Variants in FN3K observed in about 807,000 individuals in gnomAD.
FN3K encodes the protein fructosamine-3-kinase.
FN3K carries 24 observed loss-of-function variants against 24.8 expected under a neutral mutation model. The observed-to-expected ratio is 0.97, with a 90% confidence interval of 0.70 to 1.36. FN3K has a LOEUF of 1.36. Ranked by LOEUF, FN3K falls within the 40% of genes most tolerant of loss-of-function variation. The pLI is 0.00. For missense variants in FN3K, 449 were observed against 416.7 expected (o/e 1.08, Z -0.67); for synonymous variants, 192 against 175.2 (o/e 1.10, Z -0.76).
chr17:82,744,093 C>T (rs2046955456), intron 4 of FN3K, among the ~76,000 whole-genome samples: 1 of 152,186 alleles, frequency 6.6e-6, no homozygotes, highest in Non-Finnish European at 1.5e-5. Context: ...GATCTGACAG[C>T]CAGGCTATGG....
intron 5 of FN3K, chr17:82,749,417 C>T: frequency 3.2e-6 from 1 of 312,134 alleles, no homozygotes; most frequent in Non-Finnish European, 6.3e-6. Context: ...GTAATCGCAG[C>T]ATTTGGGAGG....
intron 4 of FN3K, chr17:82,742,680 A>G (rs1568069001): frequency 4.4e-6 from 2 of 456,104 alleles, no homozygotes; most frequent in Non-Finnish European, 8.8e-6. Context: ...TGAAGTTCCA[A>G]AGAAGACTTT....
Position 82,748,992 on chromosome 17 carries a change from G to C in FN3K, c.591+15G>C. 2 of 1,614,098 alleles carry C rather than the reference G, an allele frequency of 1.2e-6. No individual in the cohort carries two copies. Among genetic ancestry groups the C allele is most frequent in the Non-Finnish European group, 1.7e-6 (2 of 1,179,988 alleles). ...CCCGGCTACAGGTGGGCACGGCAGT[G>C]ACTTCTCTGGGAAAGAGCTGGTCCT... On this transcript the variant is annotated intron_variant, in intron 5 of 5. Transcript: ENST00000300784.
chr17:82,748,829 G>A (rs749421677), intron 4 of FN3K, 26 bp from the exon 5 acceptor site: 1 of 1,608,206 alleles, frequency 6.2e-7, no homozygotes, highest in South Asian at 1.1e-5. Flanking sequence ...AATTGCAACA[G>A]TGGCCTCTTT....
In FN3K at chr17:82,735,765, C is replaced by G. The variant is rs1394412875; in HGVS notation, c.129C>G (p.Asn43Lys). Residue 43 changes from asparagine (N) to lysine (K), a missense_variant, in exon 1 of 6, where the codon AAC becomes AAG. Asn to Lys is a moderately conservative substitution (Grantham distance 94). Transcript: ENST00000300784. ...TDAGPVFVKV[N>K]RRTQARQMFE... ...CAGGCCCAGTGTTCGTCAAAGTCAACCGCAGGACGCAGGTGCTGGCCCGTG... is the reference window on the plus strand; with the variant it reads ...CAGGCCCAGTGTTCGTCAAAGTCAAGCGCAGGACGCAGGTGCTGGCCCGTG... The G allele has an allele frequency of 4.5e-6, 7 of 1,563,592 alleles. No individual in the cohort carries two copies. The highest frequency in any genetic ancestry group is 6.1e-6 in the Non-Finnish European group (7 of 1,156,022).
Position 82,748,985 on chromosome 17 carries a change from C to G in FN3K, c.591+8C>G, listed in dbSNP as rs751833198. ...CTCTGGTCCCGGCTACAGGTGGGCA[C>G]GGCAGTGACTTCTCTGGGAAAGAGC... On this transcript the variant is annotated splice_region_variant and intron_variant, in intron 5 of 5. Coordinates refer to ENST00000300784, the MANE Select transcript of FN3K (RefSeq NM_022158.4). 1 of 1,613,996 alleles carries G rather than the reference C, an allele frequency of 6.2e-7. No individual in the cohort carries two copies. Among genetic ancestry groups the G allele is most frequent in the African/African-American group, 1.3e-5 (1 of 74,924 alleles).
chr17:82,747,136 A>C (rs2046973116), intron 4 of FN3K, among the ~76,000 whole-genome samples: 1 of 151,562 alleles, frequency 6.6e-6, no homozygotes, highest in Admixed American at 6.6e-5. Context: ...TGCTTACTTT[A>C]GGTTTAATGT....
intron 4 of FN3K, among the ~76,000 whole-genome samples, chr17:82,743,008 G>T: frequency 6.6e-6 from 1 of 152,116 alleles, no homozygotes; most frequent in East Asian, 1.9e-4. Flanking sequence ...GGGCTCGCTA[G>T]AACTGCACAT....
In FN3K at chr17:82,738,315, A is replaced by G; in HGVS notation, c.142-174A>G. The G allele has an allele frequency of 4.4e-6, 3 of 682,044 alleles. No homozygotes were observed. In the Admixed American group the frequency reaches 9.6e-5, roughly 22 times the overall value. 42.2% of individuals were successfully genotyped at this position (682,044 alleles called of 1,614,324 possible). ...TCAGCCTTGCAGCCTCTCGTCTCCG[A>G]CGGGGGGCCCCTCTGCACCCTGCCC... is the stretch of plus-strand genomic sequence containing the variant. On this transcript the variant is annotated intron_variant, in intron 1 of 5. Transcript: ENST00000300784.
chr17:82,747,041 T>G (rs974745163), intron 4 of FN3K, among the ~76,000 whole-genome samples: 13 of 151,890 alleles, frequency 8.6e-5, no homozygotes, highest in African/African-American at 2.9e-4. Flanking sequence ...GCCAGGATGG[T>G]CTCGAACTCC....
intron 4 of FN3K, among the ~76,000 whole-genome samples, chr17:82,747,000 T>C (rs1449222843): frequency 2.0e-5 from 3 of 151,856 alleles, no homozygotes; most frequent in Admixed American, 2.0e-4. Context: ...AATTTTTGTA[T>C]TTTTAGTAGA....
chr17:82,741,551 G>A (rs371289289), intron 4 of FN3K, 158 bp downstream of exon 4: 52 of 687,980 alleles, frequency 7.6e-5, no homozygotes, highest in African/African-American at 2.6e-4. Context: ...GAGAGCAGAC[G>A]CTGAGGGTCA....
chr17:82,743,440 C>T (rs536325363), intron 4 of FN3K, among the ~76,000 whole-genome samples: 1 of 152,276 alleles, frequency 6.6e-6, no homozygotes, highest in South Asian at 2.1e-4. Flanking sequence ...CTTGTTGTGC[C>T]TCGGACAGCA....
In FN3K at chr17:82,750,717, A is replaced by T; in HGVS notation, c.892A>T (p.Ser298Cys). The T allele has an allele frequency of 6.2e-7, 1 of 1,613,618 alleles. No individual in the cohort carries two copies. Among genetic ancestry groups the T allele is most frequent in the South Asian group, 1.1e-5 (1 of 91,064 alleles). ...GAACCACTTCGGGCGGGAGTACAGG[A>T]GCCCTTCCTTGGGCACCATGCGAAG... Reference protein sequence around the residue: ...HWNHFGREYRSPSLGTMRRLL... With the variant: ...HWNHFGREYRCPSLGTMRRLL... The change falls in exon 6 of 6, where the codon AGC becomes TGC. Residue 298 changes from serine to cysteine, a missense_variant. Transcript: ENST00000300784.
chr17:82,748,701 C>T (rs1027066951), intron 4 of FN3K, among the ~76,000 whole-genome samples, 154 bp from the exon 5 acceptor site: 1 of 152,148 alleles, frequency 6.6e-6, no homozygotes, highest in Admixed American at 6.5e-5. Flanking sequence ...TCTCTCTTTA[C>T]CTGCCTTCCT....
chr17:82,750,997 A>ATCTCCG lies in FN3K; in HGVS notation c.*244_*245insTCCGTC. The stretch of plus-strand genomic sequence containing the variant: ...CCAATCCCCCTGTCCCCGACCCCCC[A>ATCTCCG]TCCCCGTCCCCCATCTCCGTCCCCG... On this transcript the variant is annotated 3_prime_UTR_variant, in exon 6 of 6. Coordinates refer to ENST00000300784, the MANE Select transcript of FN3K (RefSeq NM_022158.4). 1.4e-5 allele frequency: 1 copy of ATCTCCG among 71,770 alleles called. No individual in the cohort carries two copies. The highest frequency in any genetic ancestry group is 3.4e-4 in the East Asian group (1 of 2,966). 4.4% of individuals were successfully genotyped at this position (71,770 alleles called of 1,614,324 possible).
rs752204752 is a variant in FN3K at position 82,741,377 on chromosome 17, G to T, written c.452G>T (p.Cys151Phe). Residue 151 changes from cysteine (C) to phenylalanine (F), a missense_variant, in exon 4 of 6, where the codon TGC becomes TTC. By Grantham distance (205) the Cys-to-Phe change is radical (BLOSUM62 -2). Transcript: ENST00000300784. ...DKFGFHTVTC[C>F]GFIPQVNEWQ... ...TTCGGCTTCCACACGGTGACGTGCT[G>T]CGGCTTCATCCCGCAGGTGAGTGCC... is the stretch of plus-strand genomic sequence containing the variant. 3 of 1,613,528 alleles carry T rather than the reference G, an allele frequency of 1.9e-6. No individual in the cohort carries two copies. Among genetic ancestry groups the T allele is most frequent in the Non-Finnish European group, 2.5e-6 (3 of 1,179,764 alleles).
rs1323244914 is a variant in FN3K at position 82,750,848 on chromosome 17, C to T, written c.*93C>T. ...CCCGTCCCTGTGCCCCCGTCCCTGT[C>T]CCCCTGTTCCCGTCTCCCCGTCCCT... On this transcript the variant is annotated 3_prime_UTR_variant, in exon 6 of 6. Coordinates refer to ENST00000300784, the MANE Select transcript of FN3K (RefSeq NM_022158.4). The T allele has an allele frequency of 3.0e-5, 29 of 961,472 alleles. No homozygotes were observed. Among genetic ancestry groups the T allele is most frequent in the Non-Finnish European group, 1.8e-5 (12 of 670,474 alleles). 59.6% of individuals were successfully genotyped at this position (961,472 alleles called of 1,614,324 possible).
intron 4 of FN3K, among the ~76,000 whole-genome samples, chr17:82,747,916 G>A (rs2046977391): frequency 1.3e-5 from 2 of 152,284 alleles, no homozygotes; most frequent in Admixed American, 1.3e-4. Context: ...AGGGGTTAGG[G>A]CTTCAACGTA....
Sources: allele counts gnomAD v4.1 joint callset (sites outside exome capture counted in the v4.1 genomes callset), GRCh38; gene constraint gnomAD v4.1.1; transcripts MANE v1.5; gene names NCBI Gene and HGNC (gene_info 2026-07-23, HGNC 2026-07-21).